CTSB: variants seen among roughly 807,000 people sequenced by gnomAD.
CTSB encodes the protein cathepsin B.
CTSB carries 57 observed loss-of-function variants against 44.3 expected under a neutral mutation model. The observed-to-expected ratio is 1.29, with a 90% CI of 1.04 to 1.60. The LOEUF (loss-of-function observed/expected upper bound fraction) is 1.60. Ranked by LOEUF, CTSB falls within the 40% of genes most tolerant of loss-of-function variation. The pLI, the probability that CTSB is intolerant of heterozygous loss-of-function variation, is 0.00. For missense variants in CTSB, 768 were observed against 443.0 expected (o/e 1.73, Z -6.59); for synonymous variants, 320 against 168.0 (o/e 1.91, Z -7.00).
At position 11,844,914 on chromosome 8, in the gene CTSB, C is replaced by T. The variant is rs1289883422; in HGVS notation, c.*211G>A. 5 of 574,802 alleles carry T rather than the reference C, an allele frequency of 8.7e-6. No homozygotes were observed. The South Asian group carries it at 1.1e-4, about 12-fold the overall frequency. The allele number at this position is 574,802 out of a possible 1,614,324, so 35.6% of individuals were successfully genotyped here. ...TCTACAGGGGGAAGGACGCTCTGTG[C>T]TGGCAGCGGTGGCTCACATGGCCTG... On this transcript the variant is annotated 3_prime_UTR_variant, in exon 10 of 10. Transcript: ENST00000353047.
At position 11,847,736 on chromosome 8, in the gene CTSB, A is replaced by T; in HGVS notation, c.619T>A (p.Cys207Ser). The change falls in exon 7 of 10, where the codon TGT becomes AGT. Residue 207 changes from cysteine (C) to serine (S), a missense_variant. Cys to Ser is a moderately radical substitution (Grantham distance 112). Coordinates refer to ENST00000353047, the MANE Select transcript of CTSB (RefSeq NM_001908.5). The part of the protein sequence containing the change: ...PCTGEGDTPK[C>S]SKICEPGYSP... Reference sequence around the variant, plus strand: ...TAGCCAGGCTCACAGATCTTGCTACACTTGGGGGTATCTCCCTCCCCCGTG... The same window carrying T: ...TAGCCAGGCTCACAGATCTTGCTACTCTTGGGGGTATCTCCCTCCCCCGTG... The T allele has an allele frequency of 2.5e-6, 4 of 1,600,384 alleles. No homozygotes were observed. Among genetic ancestry groups the T allele is most frequent in the Non-Finnish European group, 3.4e-6 (4 of 1,175,374 alleles).
In CTSB at chr8:11,844,046, A is replaced by G. The variant is rs1214824541; in HGVS notation, c.*1079T>C. ...TCACTCTGTCAGTCACAACAACAAC[A>G]AAAAAATAGAGCACAGCTATGTTTT... On this transcript the variant is annotated 3_prime_UTR_variant, in exon 10 of 10. Coordinates refer to ENST00000353047, the MANE Select transcript of CTSB (RefSeq NM_001908.5). 1 of 152,194 alleles carries G rather than the reference A, an allele frequency of 6.6e-6. No homozygotes were observed. The highest frequency in any genetic ancestry group is 1.5e-5 in the Non-Finnish European group (1 of 68,044). The allele number at this position is 152,194 out of a possible 1,614,324, so 9.4% of individuals were successfully genotyped here. A position where few individuals can be genotyped will look rare whatever the true frequency, so the allele number is the denominator to read the frequency against.
chr8:11,848,042 A>G, intron 6 of CTSB, 25 bp downstream of exon 6: 2 of 1,564,980 alleles, frequency 1.3e-6, no homozygotes, highest in East Asian at 2.2e-5. Context: ...ATCTGGCCAG[A>G]AAGTGGCCAA....
intron 1 of CTSB, chr8:11,865,725 C>T (rs1207617664): frequency 6.6e-6 from 1 of 151,184 alleles, no homozygotes; most frequent in East Asian, 1.9e-4. Flanking sequence ...AGAAAATTAC[C>T]CCTCCACCGC....
Position 11,844,594 on chromosome 8 carries a change from A to T in CTSB, c.*531T>A, listed in dbSNP as rs1476131114. On this transcript the variant is annotated 3_prime_UTR_variant, in exon 10 of 10. Coordinates refer to ENST00000353047, the MANE Select transcript of CTSB (RefSeq NM_001908.5). ...CACGAAAAAATAAAACTTCTATTAA[A>T]GAATCATGCTGAGCACAAGATCAGA... 1 of 152,802 alleles carries T rather than the reference A, an allele frequency of 6.5e-6. No individual in the cohort carries two copies. The highest frequency in any genetic ancestry group is 1.5e-5 in the Non-Finnish European group (1 of 68,472). 9.5% of individuals were successfully genotyped at this position (152,802 alleles called of 1,614,324 possible).
At chr8:11,856,301 G>A in intron 1 of CTSB, among the ~76,000 whole-genome samples, 1 of 152,056 alleles carries the variant, frequency 6.6e-6, no homozygotes, top group African/African-American at 2.4e-5. Flanking sequence ...TTAAATTACG[G>A]TAAGTGGTTA....
intron 1 of CTSB, among the ~76,000 whole-genome samples, chr8:11,864,726 C>T (rs1019490958): frequency 5.9e-5 from 9 of 151,900 alleles, no homozygotes; most frequent in African/African-American, 1.9e-4. Context: ...GGAGGCGAGG[C>T]GGGCAGATCA....
chr8:11,853,507 CCT>C lies in CTSB; in HGVS notation c.-25-30_-25-29del, dbSNP rs1250443310. On this transcript the variant is annotated intron_variant, in intron 1 of 9. Transcript: ENST00000353047. ...GGAGAGGACAGAGGGCATCAGGACA[CCT>C]CTCTGTTATGTGGGTCGAGGGCTCA... The C allele has an allele frequency of 3.1e-6, 5 of 1,588,824 alleles. No homozygotes were observed. The African/African-American group carries it at 4.1e-5, about 13-fold the overall frequency.
intron 1 of CTSB, among the ~76,000 whole-genome samples, chr8:11,860,428 CCTGG>C (rs1480894190): frequency 6.6e-6 from 1 of 152,130 alleles, no homozygotes; most frequent in Non-Finnish European, 1.5e-5. Flanking sequence ...TCGAGACCAG[CCTGG>C]CTAACATGGT....
chr8:11,856,525 A>C (rs187655000), intron 1 of CTSB, among the ~76,000 whole-genome samples: 1 of 152,236 alleles, frequency 6.6e-6, no homozygotes, highest in African/African-American at 2.4e-5. Flanking sequence ...AGGCAGTAGA[A>C]TCACTTGAAC....
At chr8:11,851,908 C>T (rs755574056) in intron 3 of CTSB, among the ~76,000 whole-genome samples, 6 of 152,088 alleles carry the variant, frequency 3.9e-5, no homozygotes, top group Non-Finnish European at 8.8e-5. Flanking sequence ...CTCAGGTGAT[C>T]CGCTTGCCTT....
intron 1 of CTSB, among the ~76,000 whole-genome samples, chr8:11,856,578 G>A (rs556773867): frequency 3.7e-4 from 56 of 152,244 alleles, no homozygotes; most frequent in African/African-American, 1.2e-3. Context: ...GACAGATTGA[G>A]ACTTCATCTA....
chr8:11,848,415 A>G (rs1194591961), intron 5 of CTSB: 9 of 600,442 alleles, frequency 1.5e-5, no homozygotes, highest in Non-Finnish European at 2.8e-5. Flanking sequence ...TCCATACCAG[A>G]CCAGGCTACG....
intron 3 of CTSB, among the ~76,000 whole-genome samples, 199 bp from the exon 4 acceptor site, chr8:11,851,179 T>C (rs1465661435): frequency 2.0e-5 from 3 of 152,124 alleles, no homozygotes; most frequent in Admixed American, 2.0e-4. Flanking sequence ...CTTTTGATTT[T>C]TTTTTTGGGT....
At chr8:11,858,559 G>A (rs898152298) in intron 1 of CTSB, among the ~76,000 whole-genome samples, 6 of 152,128 alleles carry the variant, frequency 3.9e-5, no homozygotes, top group East Asian at 1.9e-4. Flanking sequence ...CAAAGTGTCG[G>A]GATTATAGGT....
Position 11,843,642 on chromosome 8 carries a change from TC to T in CTSB, c.*1482del, listed in dbSNP as rs1465388268. ...TGGAGGGCATCCAGGGGGATGTGGTTCCCCACGGGGTAGCATCTTGGTTATG... is the reference window on the plus strand; with the variant it reads ...TGGAGGGCATCCAGGGGGATGTGGTTCCCACGGGGTAGCATCTTGGTTATG... On this transcript the variant is annotated 3_prime_UTR_variant, in exon 10 of 10. Coordinates refer to ENST00000353047, the MANE Select transcript of CTSB (RefSeq NM_001908.5). 4.6e-5 allele frequency: 7 copies of T among 152,196 alleles called. No individual in the cohort carries two copies. Among genetic ancestry groups the T allele is most frequent in the African/African-American group, 4.8e-5 (2 of 41,440 alleles). The allele number at this position is 152,196 out of a possible 1,614,324, so 9.4% of individuals were successfully genotyped here.
intron 1 of CTSB, among the ~76,000 whole-genome samples, chr8:11,865,812 G>T (rs1361822552): frequency 6.8e-6 from 1 of 147,446 alleles, no homozygotes; most frequent in East Asian, 2.0e-4. Flanking sequence ...TCGAAAACCA[G>T]CCTGGCTAAC....
chr8:11,855,184 G>C (rs1477234967), intron 1 of CTSB, among the ~76,000 whole-genome samples: 1 of 152,034 alleles, frequency 6.6e-6, no homozygotes, highest in African/African-American at 2.4e-5. Flanking sequence ...ATCATGCCCA[G>C]CTAATTTTCA....
chr8:11,857,455 C>G (rs1563420623), intron 1 of CTSB, among the ~76,000 whole-genome samples: 1 of 152,182 alleles, frequency 6.6e-6, no homozygotes, highest in South Asian at 2.1e-4. Context: ...CAGCAGTGTC[C>G]TTGGATGTAC....
Sources: allele counts gnomAD v4.1 joint callset (sites outside exome capture counted in the v4.1 genomes callset), GRCh38; gene constraint gnomAD v4.1.1; transcripts MANE v1.5; gene names NCBI Gene and HGNC (gene_info 2026-07-23, HGNC 2026-07-21).